Variants in PIP5K1B observed in about 807,000 individuals in gnomAD.
PIP5K1B encodes phosphatidylinositol-4-phosphate 5-kinase type 1 beta, also known as phosphatidylinositol 4-phosphate 5-kinase type-1 beta.
In PIP5K1B, 42 loss-of-function variants were observed where a neutral mutation model predicts 67.0. The ratio of observed to expected loss-of-function variants is 0.63; its 90% confidence interval spans 0.49 to 0.81. PIP5K1B has a LOEUF of 0.81. PIP5K1B is among the 30% of genes least tolerant of loss of function. The pLI is 0.00. For missense variants in PIP5K1B, 459 were observed against 646.3 expected, an observed-to-expected ratio of 0.71 and a Z score of 3.14; for synonymous variants, 214 against 231.4, an observed-to-expected ratio of 0.92 and a Z score of 0.68.
At chr9:68,982,694 G>A (rs1268686578) in intron 14 of PIP5K1B, among the ~76,000 whole-genome samples, 2 of 151,996 alleles carry the variant, frequency 1.3e-5, no homozygotes, top group African/African-American at 4.8e-5. Flanking sequence ...CCCGGGAGGT[G>A]GAGGTTGCAG....
At chr9:68,882,259 G>A (rs552125231) in intron 6 of PIP5K1B, among the ~76,000 whole-genome samples, 1 of 152,266 alleles carries the variant, frequency 6.6e-6, no homozygotes, top group African/African-American at 2.4e-5. Context: ...CAAAGAAGGT[G>A]GCTTAGAAGA....
intron 5 of PIP5K1B, among the ~76,000 whole-genome samples, chr9:68,867,502 A>G (rs1000500528): frequency 6.6e-6 from 1 of 152,234 alleles, no homozygotes; most frequent in Non-Finnish European, 1.5e-5. Context: ...GTTGGATAAG[A>G]CAACTCTGTG....
At chr9:68,976,048 C>A (rs1299610428) in intron 14 of PIP5K1B, among the ~76,000 whole-genome samples, 1 of 152,192 alleles carries the variant, frequency 6.6e-6, no homozygotes, top group Non-Finnish European at 1.5e-5. Context: ...CAACATGGCT[C>A]TGAATAAAGC....
chr9:68,935,536 A>T (rs539204163), intron 13 of PIP5K1B, among the ~76,000 whole-genome samples: 1 of 152,220 alleles, frequency 6.6e-6, no homozygotes, highest in Non-Finnish European at 1.5e-5. Flanking sequence ...ACTACCACAT[A>T]AAAAATACAA....
intron 2 of PIP5K1B, among the ~76,000 whole-genome samples, chr9:68,770,635 C>T (rs952590): frequency 0.32 from 48,504 of 152,024 alleles, 7,834 homozygotes; most frequent in Admixed American, 0.37. Context: ...TCAGTGGCAG[C>T]ATTAGATTCT....
At chr9:68,841,918 A>G (rs562988250) in intron 4 of PIP5K1B, among the ~76,000 whole-genome samples, 29 of 152,354 alleles carry the variant, frequency 1.9e-4, no homozygotes, top group African/African-American at 6.7e-4. Flanking sequence ...TTAACATACG[A>G]GAAAACAGAG....
chr9:68,725,935 C>T (rs1325262585), intron 1 of PIP5K1B, among the ~76,000 whole-genome samples: 2 of 152,196 alleles, frequency 1.3e-5, no homozygotes, highest in East Asian at 3.8e-4. Context: ...CTCTGCCTTG[C>T]ATACAAGGAT....
intron 7 of PIP5K1B, among the ~76,000 whole-genome samples, chr9:68,893,748 G>A (rs907281703): frequency 6.6e-6 from 1 of 152,090 alleles, no homozygotes. Flanking sequence ...ACAAAAACCT[G>A]CAGAAAAAAA....
chr9:68,772,587 GC>G (rs1021624370), intron 2 of PIP5K1B, among the ~76,000 whole-genome samples: 5 of 152,124 alleles, frequency 3.3e-5, no homozygotes, highest in African/African-American at 1.2e-4. Flanking sequence ...TGGCCTCTCT[GC>G]CCCAGTGCCC....
chr9:68,984,971 C>A (rs897782493), intron 14 of PIP5K1B, among the ~76,000 whole-genome samples: 1 of 152,230 alleles, frequency 6.6e-6, no homozygotes, highest in Non-Finnish European at 1.5e-5. Flanking sequence ...CAAGCCGCTG[C>A]ACCTCCCTGG....
intron 14 of PIP5K1B, among the ~76,000 whole-genome samples, chr9:68,956,413 C>T (rs1465441764): frequency 6.6e-6 from 1 of 152,166 alleles, no homozygotes; most frequent in Non-Finnish European, 1.5e-5. Context: ...GAGGTTGCAT[C>T]AGCCAAAATC....
intron 4 of PIP5K1B, among the ~76,000 whole-genome samples, chr9:68,858,659 A>G (rs1013243789): frequency 1.3e-5 from 2 of 152,244 alleles, no homozygotes; most frequent in African/African-American, 2.4e-5. Flanking sequence ...GAGGGCTTCA[A>G]GCAAGGCACT....
At chr9:68,876,377 T>C (rs753501943) in intron 5 of PIP5K1B, among the ~76,000 whole-genome samples, 67 of 152,150 alleles carry the variant, frequency 4.4e-4, no homozygotes, top group Non-Finnish European at 8.2e-4. Context: ...TACAATGTGG[T>C]TACACTGGTG....
At chr9:68,833,266 G>A (rs1008195269) in intron 4 of PIP5K1B, among the ~76,000 whole-genome samples, 94 of 152,386 alleles carry the variant, frequency 6.2e-4, no homozygotes, top group African/African-American at 2.1e-3. Context: ...TAAGGAGGCA[G>A]CACAGGGGCT....
chr9:68,731,998 T>C (rs983919535), intron 1 of PIP5K1B, among the ~76,000 whole-genome samples: 1 of 152,192 alleles, frequency 6.6e-6, no homozygotes, highest in African/African-American at 2.4e-5. Context: ...TCTCAGCCAC[T>C]TCTGGCTGGT....
chr9:68,936,170 T>C (rs1368540858), intron 13 of PIP5K1B, among the ~76,000 whole-genome samples: 4 of 152,156 alleles, frequency 2.6e-5, no homozygotes, highest in African/African-American at 7.2e-5. Flanking sequence ...CTTCACACCC[T>C]TTTTGTCTTT....
intron 1 of PIP5K1B, among the ~76,000 whole-genome samples, chr9:68,708,540 C>CA (rs1564080147): frequency 2.7e-5 from 2 of 72,934 alleles, no homozygotes; most frequent in African/African-American, 1.5e-4. Context: ...TTTTGTTTGC[C>CA]GCCCCCCCGC....
At chr9:68,803,236 T>C (rs1832697183) in intron 2 of PIP5K1B, among the ~76,000 whole-genome samples, 1 of 152,164 alleles carries the variant, frequency 6.6e-6, no homozygotes, top group African/African-American at 2.4e-5. Context: ...TTTAAATTTA[T>C]AGTGCCTGCG....
At chr9:68,726,986 T>C (rs974373309) in intron 1 of PIP5K1B, among the ~76,000 whole-genome samples, 1 of 152,104 alleles carries the variant, frequency 6.6e-6, no homozygotes, top group Non-Finnish European at 1.5e-5. Context: ...AGTTGTTGTT[T>C]TTTTTTTTAG....
Sources: allele counts gnomAD v4.1 joint callset (sites outside exome capture counted in the v4.1 genomes callset), GRCh38; gene constraint gnomAD v4.1.1; transcripts MANE v1.5; gene names NCBI Gene and HGNC (gene_info 2026-07-23, HGNC 2026-07-21).